The following ESR2 variants were observed in gnomAD, a reference collection of about 807,000 sequenced individuals.
ESR2 encodes the protein estrogen receptor beta.
In ESR2, 36 loss-of-function variants were observed where a neutral mutation model predicts 49.6. The observed-to-expected ratio is 0.73, with a 90% CI of 0.56 to 0.96. ESR2 has a LOEUF of 0.96. ESR2 is among the 40% of genes least tolerant of loss of function. The pLI is 0.00. For synonymous variants in ESR2, 320 were observed against 266.1 expected (o/e 1.20, Z -1.97); for missense variants, 714 against 693.0 (o/e 1.03, Z -0.34).
chr14:64,248,435 G>A (rs2075912510), intron 7 of ESR2, among the ~76,000 whole-genome samples: 1 of 144,756 alleles, frequency 6.9e-6, no homozygotes, highest in South Asian at 2.2e-4. Flanking sequence ...CTTGAGCTCA[G>A]TACTAGGTTA....
chr14:64,311,644 GAAAAAAA>G (rs71123837), intron 1 of ESR2, among the ~76,000 whole-genome samples: 9 of 91,846 alleles, frequency 9.8e-5, no homozygotes, highest in African/African-American at 1.7e-4. Context: ...CTCCATCTCA[GAAAAAAA>G]AAAAAAAAAA....
chr14:64,280,226 A>G, intron 2 of ESR2, 73 bp from the exon 3 acceptor site: 1 of 935,902 alleles, frequency 1.1e-6, no homozygotes, highest in Non-Finnish European at 1.7e-6. Context: ...AAAAAAAAAT[A>G]GCATGAACAT....
chr14:64,318,171 T>C (rs1054476539), intron 1 of ESR2, among the ~76,000 whole-genome samples: 7 of 152,296 alleles, frequency 4.6e-5, no homozygotes, highest in African/African-American at 1.2e-4. Context: ...ACAAAGTTAA[T>C]ATACAAAGTC....
chr14:64,334,536 C>G (rs935653101), intron 1 of ESR2, among the ~76,000 whole-genome samples: 1 of 152,202 alleles, frequency 6.6e-6, no homozygotes, highest in African/African-American at 2.4e-5. Flanking sequence ...TATTGACATA[C>G]CTCCACATTG....
chr14:64,291,411 C>T (rs1290571369), intron 1 of ESR2, among the ~76,000 whole-genome samples: 1 of 152,184 alleles, frequency 6.6e-6, no homozygotes, highest in African/African-American at 2.4e-5. Flanking sequence ...AGTTTGCTAG[C>T]TCCTCATAAA....
At chr14:64,319,611 C>T (rs2077301655) in intron 1 of ESR2, among the ~76,000 whole-genome samples, 1 of 152,024 alleles carries the variant, frequency 6.6e-6, no homozygotes, top group South Asian at 2.1e-4. Flanking sequence ...TTAAAAATGG[C>T]AAAAGTTCTG....
intron 4 of ESR2, among the ~76,000 whole-genome samples, chr14:64,264,214 T>A (rs2076277303): frequency 6.6e-6 from 1 of 152,194 alleles, no homozygotes; most frequent in Non-Finnish European, 1.5e-5. Flanking sequence ...TTTACATTTT[T>A]AAAAATAAAT....
In ESR2 at chr14:64,232,239, GGTT is replaced by G. The variant is rs2098727938; in HGVS notation, c.*895_*897del. On this transcript the variant is annotated 3_prime_UTR_variant, in exon 9 of 9. Transcript: ENST00000341099. ...GGGCAATTGTGGCTGCTACTTATGAGGTTGTACAAGATGGAAACTGCATCCACA... is the reference window on the plus strand; with the variant it reads ...GGGCAATTGTGGCTGCTACTTATGAGGTACAAGATGGAAACTGCATCCACA... 1 of 152,194 alleles carries G rather than the reference GGTT, an allele frequency of 6.6e-6. No individual in the cohort carries two copies. Among genetic ancestry groups the G allele is most frequent in the African/African-American group, 2.4e-5 (1 of 41,442 alleles). 9.4% of individuals were successfully genotyped at this position (152,194 alleles called of 1,614,324 possible). A position where few individuals can be genotyped will look rare whatever the true frequency, so the allele number is the denominator to read the frequency against.
chr14:64,233,581 G>A lies in ESR2; in HGVS notation c.1407-258C>T, dbSNP rs944046. 267,572 of 445,264 alleles carry A rather than the reference G, an allele frequency of 0.6. 83,359 individuals carry two copies. Among genetic ancestry groups the A allele is most frequent in the African/African-American group, 0.88 (45,369 of 51,666 alleles). 27.6% of individuals were successfully genotyped at this position (445,264 alleles called of 1,614,324 possible). A position where few individuals can be genotyped will look rare whatever the true frequency, so the allele number is the denominator to read the frequency against. ...ACACATAGGACAATCAATCCTCATT[G>A]TTTGCGGTAATTATGTTCCGTAAAG... On this transcript the variant is annotated intron_variant, in intron 8 of 8. Coordinates refer to ENST00000341099, the MANE Select transcript of ESR2 (RefSeq NM_001437.3).
chr14:64,263,693 C>T lies in ESR2; in HGVS notation c.653-2945G>A, dbSNP rs1176094208. Among the ~76,000 whole-genome samples, 4 of 152,060 alleles carry T rather than the reference C, an allele frequency of 2.6e-5. No homozygotes were observed. In the East Asian group the frequency reaches 7.7e-4, roughly 29 times the overall value. ...AAATAAATAGACAAACAATAAAACACAGCCTCCAAACACAATACAAAAAGT... is the reference window on the plus strand; with the variant it reads ...AAATAAATAGACAAACAATAAAACATAGCCTCCAAACACAATACAAAAAGT... On this transcript the variant is annotated intron_variant, in intron 4 of 8. Transcript: ENST00000341099.
At chr14:64,227,619 A>G (rs1439670397), downstream of ESR2, 3 of 1,614,034 alleles carry the variant, frequency 1.9e-6, no homozygotes, top group Non-Finnish European at 2.5e-6. Context: ...TCTGCCCTTA[A>G]GTAGAGATGC....
intron 1 of ESR2, among the ~76,000 whole-genome samples, chr14:64,314,866 A>C (rs1422179624): frequency 7.1e-6 from 1 of 141,562 alleles, no homozygotes; most frequent in Non-Finnish European, 1.5e-5. Flanking sequence ...TAACAGAGCA[A>C]GACTCCGTCT....
downstream of ESR2, chr14:64,227,376 A>AGAAAG (rs974253831): frequency 2.9e-5 from 22 of 750,162 alleles, no homozygotes; most frequent in Admixed American, 6.4e-4. Flanking sequence ...GATTGATAAT[A>AGAAAG]GAAAGGAAGG....
intron 4 of ESR2, among the ~76,000 whole-genome samples, chr14:64,261,521 G>A (rs938355470): frequency 1.1e-4 from 17 of 152,200 alleles, no homozygotes; most frequent in African/African-American, 2.6e-4. Context: ...GGGTTCAAGC[G>A]ATTCTCCTGC....
In ESR2 at chr14:64,280,048, T is replaced by A. The variant is rs1541060; in HGVS notation, c.468A>T (p.Ala156=). The A allele has an allele frequency of 7.4e-4, 1,193 of 1,614,162 alleles. 17 individuals are homozygous for A. The African/African-American group carries it at 0.014, about 19-fold the overall frequency. The change falls in exon 3 of 9, where the codon GCA becomes GCT. Residue 156 remains alanine, a synonymous_variant. Transcript: ENST00000341099. ...AHFCAVCSDY[A]SGYHYGVWSC... is the part of the protein sequence containing the mutation. ...ACCAGACTCCATAGTGATATCCCGA[T>A]GCGTAATCGCTGCAGACAGCGCAGA... is the stretch of plus-strand genomic sequence containing the variant.
At chr14:64,331,179 A>T (rs1394296105) in intron 1 of ESR2, among the ~76,000 whole-genome samples, 1 of 152,232 alleles carries the variant, frequency 6.6e-6, no homozygotes, top group Non-Finnish European at 1.5e-5. Flanking sequence ...AAAATGGAAA[A>T]ATACATACCA....
chr14:64,316,468 A>G (rs1448708732), intron 1 of ESR2, among the ~76,000 whole-genome samples: 1 of 152,188 alleles, frequency 6.6e-6, no homozygotes, highest in African/African-American at 2.4e-5. Context: ...TCATTTTATG[A>G]AACTAATATT....
intron 7 of ESR2, 126 bp downstream of exon 7, chr14:64,249,420 G>T: frequency 8.7e-7 from 1 of 1,145,464 alleles, no homozygotes; most frequent in Non-Finnish European, 1.2e-6. Flanking sequence ...TAAAAACGAA[G>T]TCCAAAAGGA....
chr14:64,238,744 GAAGTA>G (rs537085837), intron 7 of ESR2, among the ~76,000 whole-genome samples: 3 of 147,088 alleles, frequency 2.0e-5, no homozygotes, highest in East Asian at 1.9e-4. Context: ...TGAAACGGAA[GAAGTA>G]TAGTTTAAAA....
Sources: gnomAD v4.1 joint callset for allele counts (sites outside exome capture counted in the v4.1 genomes callset) on GRCh38, gnomAD v4.1.1 for gene constraint, MANE v1.5 for transcripts, NCBI Gene and HGNC (gene_info 2026-07-23, HGNC 2026-07-21) for gene names.